Variants in PLA2G4C observed in about 807,000 individuals in gnomAD.
The protein encoded by PLA2G4C is phospholipase A2 group IVC.
Under a neutral mutation model 73.8 loss-of-function variants are expected in PLA2G4C, and 64 were observed. The observed-to-expected ratio is 0.87, with a 90% CI of 0.71 to 1.07. The LOEUF (loss-of-function observed/expected upper bound fraction) is 1.07. Ranked by LOEUF, PLA2G4C falls within the 50% of genes least tolerant of loss-of-function variation. The probability of loss-of-function intolerance (pLI) is 0.00; values close to 1 mark genes in which losing one functional copy is unlikely to be tolerated. For synonymous variants in PLA2G4C, 254 were observed against 252.1 expected (o/e 1.01, Z -0.07); for missense variants, 622 against 665.4 (o/e 0.93, Z 0.72).
intron 3 of PLA2G4C, 35 bp from the exon 4 acceptor site, chr19:48,104,759 G>C (rs150318529): frequency 6.2e-7 from 1 of 1,609,490 alleles, no homozygotes; most frequent in African/African-American, 1.3e-5. Flanking sequence ...CAGAGGTTTA[G>C]AGCCTGAGGA....
chr19:48,107,860 A>G (rs1303553229), intron 1 of PLA2G4C, among the ~76,000 whole-genome samples: 1 of 152,340 alleles, frequency 6.6e-6, no homozygotes, highest in African/African-American at 2.4e-5. Flanking sequence ...TGAAAAGAAC[A>G]TAAAAGAAAT....
At chr19:48,096,132 C>A (rs2031554313) in intron 6 of PLA2G4C, among the ~76,000 whole-genome samples, 3 of 151,836 alleles carry the variant, frequency 2.0e-5, no homozygotes, top group Admixed American at 6.6e-5. Flanking sequence ...GAGACCTGGT[C>A]TGGGGATGAT....
intron 10 of PLA2G4C, among the ~76,000 whole-genome samples, chr19:48,083,555 C>T (rs1053557342): frequency 1.3e-5 from 2 of 149,560 alleles, no homozygotes; most frequent in African/African-American, 2.5e-5. Flanking sequence ...TCAAGCGATT[C>T]TCCTGCCTCA....
intron 10 of PLA2G4C, among the ~76,000 whole-genome samples, chr19:48,083,873 C>T (rs75164013): frequency 2.6e-5 from 4 of 152,002 alleles, no homozygotes; most frequent in South Asian, 2.1e-4. Flanking sequence ...AACCACCATA[C>T]GATTCCCCTA....
At chr19:48,093,518 C>T (rs2031416608) in intron 7 of PLA2G4C, among the ~76,000 whole-genome samples, 1 of 152,068 alleles carries the variant, frequency 6.6e-6, no homozygotes, top group East Asian at 1.9e-4. Flanking sequence ...CGGTCACCAC[C>T]CTAATTAAAC....
At chr19:48,089,808 C>G (rs985434435) in intron 8 of PLA2G4C, among the ~76,000 whole-genome samples, 1 of 152,138 alleles carries the variant, frequency 6.6e-6, no homozygotes, top group African/African-American at 2.4e-5. Flanking sequence ...CCTAGAGATC[C>G]ACCACCCAGT....
chr19:48,098,345 T>C, intron 5 of PLA2G4C, 86 bp from the exon 6 acceptor site: 4 of 1,289,646 alleles, frequency 3.1e-6, no homozygotes, highest in Non-Finnish European at 4.2e-6. Context: ...CATTTTTTTT[T>C]AGAGGGGTCT....
chr19:48,105,919 C>CTTTCTT (rs1568457393), intron 2 of PLA2G4C, among the ~76,000 whole-genome samples: 1 of 14,540 alleles, frequency 6.9e-5, no homozygotes, highest in Non-Finnish European at 1.1e-4. Context: ...CCCTCCCTCC[C>CTTTCTT]TCCCTCCCTC....
At chr19:48,076,948 A>C (rs563520460) in intron 11 of PLA2G4C, among the ~76,000 whole-genome samples, 34 of 152,250 alleles carry the variant, frequency 2.2e-4, no homozygotes, top group African/African-American at 7.9e-4. Flanking sequence ...GAACAAATAT[A>C]GTCTCCTCCA....
intron 7 of PLA2G4C, among the ~76,000 whole-genome samples, chr19:48,090,973 G>A (rs998278010): frequency 1.3e-5 from 2 of 151,510 alleles, no homozygotes; most frequent in African/African-American, 2.4e-5. Context: ...GCTTTTGCAC[G>A]GCAGCTTGAG....
chr19:48,067,435 T>C (rs1293322709), intron 13 of PLA2G4C, among the ~76,000 whole-genome samples: 2 of 152,210 alleles, frequency 1.3e-5, no homozygotes, highest in Non-Finnish European at 2.9e-5. Context: ...CCCAAAGTGC[T>C]GGGATTACAG....
intron 10 of PLA2G4C, among the ~76,000 whole-genome samples, chr19:48,083,095 G>A (rs951754411): frequency 2.0e-5 from 3 of 152,170 alleles, no homozygotes; most frequent in East Asian, 1.9e-4. Context: ...GATTACAGGC[G>A]TGAGCCACCG....
intron 14 of PLA2G4C, among the ~76,000 whole-genome samples, chr19:48,056,759 G>A (rs943579028): frequency 2.0e-5 from 3 of 148,754 alleles, no homozygotes; most frequent in African/African-American, 7.4e-5. Context: ...TTGAACATGG[G>A]AGGCAGAGAT....
Position 48,056,519 on chromosome 19 carries a change from A to G in PLA2G4C, c.1258-1470T>C, listed in dbSNP as rs1235368208. ...GCCCAGATAGCGCCATTGCACTCCA[A>G]CCTGGGTGACAAGAGCAAGAAAGAG... On this transcript the variant is annotated intron_variant, in intron 14 of 16. Transcript: ENST00000599921. Among the ~76,000 whole-genome samples, 74 of 130,948 alleles carry G rather than the reference A, an allele frequency of 5.7e-4. 5 individuals are homozygous for G. The highest frequency in any genetic ancestry group is 4.9e-4 in the South Asian group (2 of 4,102). 85.9% of individuals were successfully genotyped at this position (130,948 alleles called of 152,430 possible).
chr19:48,054,757 A>T (rs1435048823), intron 15 of PLA2G4C, 121 bp downstream of exon 15: 1 of 960,932 alleles, frequency 1.0e-6, no homozygotes, highest in Non-Finnish European at 1.6e-6. Flanking sequence ...ATCCATGCTG[A>T]ACTGTGAGTC....
At chr19:48,097,408 A>G (rs1436652176) in intron 6 of PLA2G4C, among the ~76,000 whole-genome samples, 2 of 150,174 alleles carry the variant, frequency 1.3e-5, no homozygotes, top group African/African-American at 2.5e-5. Context: ...GCCCGCCGCC[A>G]CGCCCAGCTA....
chr19:48,064,761 C>G (rs902977486), intron 13 of PLA2G4C: 2 of 152,136 alleles, frequency 1.3e-5, no homozygotes, highest in Non-Finnish European at 2.9e-5. Context: ...ATGACTAGTG[C>G]TCTTCTAAGA....
In PLA2G4C at chr19:48,072,109, G is replaced by A. The variant is rs1405983562; in HGVS notation, c.1006+2658C>T. ...TGCAGTGAGCCAAGATTGCACCACC[G>A]CACTCCAGCTTGGGTGACAGAGCGA... On this transcript the variant is annotated intron_variant, in intron 12 of 16. Coordinates refer to ENST00000599921, the MANE Select transcript of PLA2G4C (RefSeq NM_003706.3). This position sits in a 1 kb window ranked among gnomAD's most constrained non-coding sequence, Gnocchi z 4.4. Among the ~76,000 whole-genome samples the A allele has an allele frequency of 2.6e-5, 4 of 151,800 alleles. No homozygotes were observed. The highest frequency in any genetic ancestry group is 2.1e-4 in the South Asian group (1 of 4,726).
chr19:48,094,767 A>G (rs1442280222), intron 7 of PLA2G4C, among the ~76,000 whole-genome samples: 1 of 152,074 alleles, frequency 6.6e-6, no homozygotes, highest in East Asian at 1.9e-4. Context: ...ACTCACTATG[A>G]CTGTTTTGTT....
Sources: allele counts gnomAD v4.1 joint callset (sites outside exome capture counted in the v4.1 genomes callset), GRCh38; gene constraint gnomAD v4.1.1; non-coding constraint Gnocchi (gnomAD v3.1); transcripts MANE v1.5; gene names NCBI Gene and HGNC (gene_info 2026-07-23, HGNC 2026-07-21).